The following VWA3B variants were observed in gnomAD, a reference collection of about 807,000 sequenced individuals.
VWA3B encodes von Willebrand factor A domain containing 3B.
A neutral mutation model predicts 158.3 loss-of-function variants in VWA3B; 138 were observed. The observed-to-expected ratio is 0.87, with a 90% confidence interval of 0.76 to 1.00. The LOEUF (loss-of-function observed/expected upper bound fraction) is 1.00. Ranked by LOEUF, VWA3B falls within the 50% of genes least tolerant of loss-of-function variation. VWA3B has a pLI of 0.00. For missense variants in VWA3B, 1,555 were observed against 1,565.1 expected (o/e 0.99, Z 0.11); for synonymous variants, 596 against 587.3 (o/e 1.01, Z -0.21).
intron 10 of VWA3B, among the ~76,000 whole-genome samples, 186 bp downstream of exon 10, chr2:98,188,315 CCAT>C (rs1360505694): frequency 6.6e-6 from 1 of 152,110 alleles, no homozygotes; most frequent in East Asian, 1.9e-4. Flanking sequence ...ACTCACATAT[CCAT>C]CACCTCAAAC....
At chr2:98,150,988 G>A (rs1307260877) in intron 7 of VWA3B, among the ~76,000 whole-genome samples, 1 of 152,172 alleles carries the variant, frequency 6.6e-6, no homozygotes, top group Non-Finnish European at 1.5e-5. Context: ...GGTTTGCTGA[G>A]CTTCTTGTAC....
intron 12 of VWA3B, chr2:98,207,541 C>A (rs1683125210): frequency 1.9e-6 from 1 of 520,842 alleles, no homozygotes; most frequent in South Asian, 1.4e-5. Flanking sequence ...TTTCTTGTCT[C>A]AGCCATTCCA....
chr2:98,267,890 C>T (rs1461428532), intron 21 of VWA3B, among the ~76,000 whole-genome samples: 1 of 152,006 alleles, frequency 6.6e-6, no homozygotes, highest in Admixed American at 6.5e-5. Flanking sequence ...TACAAACTAC[C>T]ATCAGAGAAT....
chr2:98,130,239 C>T (rs1390646403), intron 6 of VWA3B, among the ~76,000 whole-genome samples: 4 of 152,336 alleles, frequency 2.6e-5, no homozygotes, highest in African/African-American at 9.6e-5. Flanking sequence ...GCCAGCTTGT[C>T]CCACCTCCAG....
chr2:98,129,222 A>T (rs868026446), intron 6 of VWA3B, among the ~76,000 whole-genome samples: 7 of 110,322 alleles, frequency 6.3e-5, no homozygotes, highest in Admixed American at 8.5e-5. Flanking sequence ...AGAGAGAGAG[A>T]GAGTGTGTGT....
At chr2:98,319,908 A>ACACT in the VWA3B span, among the ~76,000 whole-genome samples, 142 of 136,288 alleles carry the variant, frequency 1.0e-3, no homozygotes, top group African/African-American at 3.6e-3. Flanking sequence ...ACACACACAC[A>ACACT]CTCACACAAC....
downstream of VWA3B, among the ~76,000 whole-genome samples, chr2:98,315,648 T>C (rs1468097800): frequency 1.3e-5 from 2 of 152,232 alleles, no homozygotes; most frequent in African/African-American, 2.4e-5. Flanking sequence ...ACACAGTCTA[T>C]TGCCAACTCA....
intron 22 of VWA3B, among the ~76,000 whole-genome samples, chr2:98,271,437 G>A (rs1688193676): frequency 6.6e-6 from 1 of 152,058 alleles, no homozygotes; most frequent in Admixed American, 6.5e-5. Context: ...CTACCACTTG[G>A]GAGCCTTTCC....
chr2:98,269,839 A>G (rs1239626833), intron 21 of VWA3B, among the ~76,000 whole-genome samples: 1 of 152,210 alleles, frequency 6.6e-6, no homozygotes, highest in African/African-American at 2.4e-5. Flanking sequence ...CATCATTCCA[A>G]TAAGAATGTT....
rs1009043326 is a variant in VWA3B, at chr2:98,312,069, C to T, written c.3735+37C>T. 8 of 1,595,646 alleles carry T rather than the reference C, an allele frequency of 5.0e-6. No homozygotes were observed. The African/African-American group carries it at 1.1e-4, about 21-fold the overall frequency. On this transcript the variant is annotated intron_variant, in intron 27 of 27. Transcript: ENST00000477737. The stretch of plus-strand genomic sequence containing the variant: ...GGGGGGGGAACACAACATCGCTTAT[C>T]TCAGGAACACCCTGAAATCCCTTTC...
chr2:98,301,817 T>C (rs1400812138), intron 25 of VWA3B, among the ~76,000 whole-genome samples: 2 of 152,236 alleles, frequency 1.3e-5, no homozygotes, highest in Non-Finnish European at 2.9e-5. Flanking sequence ...TGCTTGTCTT[T>C]TAACTTTGGA....
At chr2:98,233,410 G>A (rs1479738256) in intron 16 of VWA3B, among the ~76,000 whole-genome samples, 3 of 152,134 alleles carry the variant, frequency 2.0e-5, no homozygotes, top group Non-Finnish European at 4.4e-5. Context: ...GACTTGGGGA[G>A]CTAAATTTCA....
chr2:98,238,209 CG>C (rs1685829990), intron 19 of VWA3B, among the ~76,000 whole-genome samples: 1 of 152,112 alleles, frequency 6.6e-6, no homozygotes, highest in Non-Finnish European at 1.5e-5. Flanking sequence ...ACTCTCCCTC[CG>C]GAGGCTGTGT....
intron 22 of VWA3B, among the ~76,000 whole-genome samples, chr2:98,288,867 A>G (rs1689322411): frequency 6.6e-6 from 1 of 152,166 alleles, no homozygotes. Flanking sequence ...GGTAATACCT[A>G]TGCTTTTTCT....
At chr2:98,114,841 T>C (rs752434533) in intron 2 of VWA3B, among the ~76,000 whole-genome samples, 7 of 152,300 alleles carry the variant, frequency 4.6e-5, no homozygotes, top group Admixed American at 2.0e-4. Flanking sequence ...TGTATTCCTA[T>C]CCTGTAAGCA....
chr2:98,206,749 A>G, intron 12 of VWA3B: 2 of 329,256 alleles, frequency 6.1e-6, no homozygotes, highest in East Asian at 1.4e-4. Context: ...GAGTGGCAAA[A>G]TTGGGCTTTT....
At position 98,126,039 on chromosome 2, in the gene VWA3B, G is replaced by T. The variant is rs189810761; in HGVS notation, c.703-2200G>T. Among the ~76,000 whole-genome samples the T allele has an allele frequency of 4.5e-3, 689 of 152,258 alleles. 2 individuals are homozygous for T. Among genetic ancestry groups the T allele is most frequent in the Admixed American group, 7.1e-3 (108 of 15,292 alleles). Reference sequence around the variant, plus strand: ...AAGACCGTGTACAGGAGAGTGGGGGGGATAGGTGGTCTCAATGTAAAGCAT... The same window carrying T: ...AAGACCGTGTACAGGAGAGTGGGGGTGATAGGTGGTCTCAATGTAAAGCAT... On this transcript the variant is annotated intron_variant, in intron 5 of 27. Coordinates refer to ENST00000477737, the MANE Select transcript of VWA3B (RefSeq NM_144992.5).
At chr2:98,165,517 T>A (rs941279937) in intron 8 of VWA3B, among the ~76,000 whole-genome samples, 34 of 152,188 alleles carry the variant, frequency 2.2e-4, no homozygotes, top group African/African-American at 7.5e-4. Context: ...CTGCAGTGCC[T>A]CCTGGGTTAC....
chr2:98,250,871 T>G (rs2105802564), intron 20 of VWA3B, among the ~76,000 whole-genome samples: 1 of 152,188 alleles, frequency 6.6e-6, no homozygotes, highest in South Asian at 2.1e-4. Context: ...ATATTTCATG[T>G]AACCTACAAA....
Sources: allele counts gnomAD v4.1 joint callset (sites outside exome capture counted in the v4.1 genomes callset), GRCh38; gene constraint gnomAD v4.1.1; transcripts MANE v1.5; gene names NCBI Gene and HGNC (gene_info 2026-07-23, HGNC 2026-07-21).